Variants in TLN2 observed in about 807,000 individuals in gnomAD.
The protein encoded by TLN2 is talin-2.
TLN2 carries 118 observed loss-of-function variants against 294.7 expected under a neutral mutation model. The observed-to-expected ratio is 0.40, with a 90% CI of 0.34 to 0.47. The LOEUF (loss-of-function observed/expected upper bound fraction) is 0.47, where lower values mean the gene tolerates loss of function less well. Ranked by LOEUF, TLN2 falls within the 20% of genes least tolerant of loss-of-function variation. The pLI, the probability that TLN2 is intolerant of heterozygous loss-of-function variation, is 0.84. For synonymous variants in TLN2, 1,431 were observed against 1,304.5 expected (o/e 1.10, Z -2.09); for missense variants, 3,083 against 3,282.2 (o/e 0.94, Z 1.48).
intron 1 of TLN2, among the ~76,000 whole-genome samples, chr15:62,582,246 A>ACACACACACCCCCCCC (rs764248336): frequency 5.1e-5 from 7 of 137,240 alleles, no homozygotes; most frequent in East Asian, 4.6e-4. Context: ...ACACACACAC[A>ACACACACACCCCCCCC]CATTCATGCC....
intron 1 of TLN2, among the ~76,000 whole-genome samples, chr15:62,466,100 TATG>T (rs1393523568): frequency 5.3e-5 from 8 of 151,780 alleles, no homozygotes; most frequent in Admixed American, 5.2e-4. Flanking sequence ...TCAGGGGAGG[TATG>T]ATGAGAGGCA....
Position 62,840,535 on chromosome 15 carries a change from A to G in TLN2, c.7554A>G (p.Ala2518=). The G allele has an allele frequency of 1.2e-6, 2 of 1,614,200 alleles. No homozygotes were observed. The highest frequency in any genetic ancestry group is 1.7e-6 in the Non-Finnish European group (2 of 1,180,034). Residue 2518 remains alanine, a synonymous_variant, in exon 59 of 59, where the codon GCA becomes GCG. Coordinates refer to ENST00000636159, the MANE Select transcript of TLN2 (RefSeq NM_015059.3). ...MLKKERELEE[A]RKKLAQIRQQ... is the part of the protein sequence containing the mutation. ...AGAAAGAGCGAGAACTGGAAGAAGC[A>G]AGGAAAAAACTGGCCCAAATCCGCC...
intron 1 of TLN2, among the ~76,000 whole-genome samples, chr15:62,500,051 T>C (rs192827242): frequency 1.2e-4 from 19 of 152,074 alleles, no homozygotes; most frequent in Admixed American, 1.2e-3. Flanking sequence ...TTAAAATGAA[T>C]GTAGGCCAGG....
chr15:62,644,514 C>G (rs1384287382), intron 3 of TLN2: 5 of 456,052 alleles, frequency 1.1e-5, no homozygotes, highest in African/African-American at 8.0e-5. Flanking sequence ...CAAGGAAACT[C>G]ACCTCCAAAT....
intron 43 of TLN2, 43 bp from the exon 44 acceptor site, chr15:62,781,097 C>T: frequency 6.9e-7 from 1 of 1,454,196 alleles, no homozygotes; most frequent in Non-Finnish European, 9.7e-7. Flanking sequence ...TACACTTCAG[C>T]AGGCTTCTTA....
intron 9 of TLN2, 66 bp from the exon 10 acceptor site, chr15:62,673,761 T>G: frequency 7.8e-7 from 1 of 1,287,850 alleles, no homozygotes; most frequent in Non-Finnish European, 1.1e-6. Context: ...TTATTAAATG[T>G]CTTTGCTTTG....
intron 2 of TLN2, among the ~76,000 whole-genome samples, chr15:62,598,970 C>T (rs2046775941): frequency 6.6e-6 from 1 of 152,090 alleles, no homozygotes; most frequent in Non-Finnish European, 1.5e-5. Context: ...AGTCTTTCCA[C>T]AGACCTGTTA....
chr15:62,571,578 A>T (rs1452839807), intron 1 of TLN2, among the ~76,000 whole-genome samples: 3 of 152,176 alleles, frequency 2.0e-5, no homozygotes, highest in Admixed American at 1.3e-4. Context: ...CTTTACCTTC[A>T]TGTGTTGCCT....
intron 52 of TLN2, among the ~76,000 whole-genome samples, chr15:62,813,489 A>G (rs2066851725): frequency 6.6e-6 from 1 of 152,218 alleles, no homozygotes; most frequent in Non-Finnish European, 1.5e-5. Context: ...ATCTTTTGCG[A>G]TAAGGATTTT....
At chr15:62,452,945 G>A (rs145877300) in intron 1 of TLN2, among the ~76,000 whole-genome samples, 1 of 152,170 alleles carries the variant, frequency 6.6e-6, no homozygotes, top group Non-Finnish European at 1.5e-5. Flanking sequence ...GAATGAAGAT[G>A]AAGCAGGGTT....
intron 19 of TLN2, among the ~76,000 whole-genome samples, chr15:62,706,735 G>A (rs544452714): frequency 6.3e-4 from 96 of 152,280 alleles, no homozygotes; most frequent in African/African-American, 2.2e-3. Context: ...TATGTTTTCA[G>A]CTTCTCCTGA....
intron 2 of TLN2, among the ~76,000 whole-genome samples, chr15:62,594,837 A>G (rs973692773): frequency 2.9e-4 from 44 of 152,360 alleles, no homozygotes; most frequent in African/African-American, 1.1e-3. Flanking sequence ...GCTTCTGCAA[A>G]GCTTAGGAAA....
At chr15:62,745,501 C>T (rs1367396942) in intron 32 of TLN2, among the ~76,000 whole-genome samples, 1 of 152,234 alleles carries the variant, frequency 6.6e-6, no homozygotes, top group East Asian at 1.9e-4. Flanking sequence ...AGTCCCTTCA[C>T]CTTTTAATAT....
intron 22 of TLN2, among the ~76,000 whole-genome samples, chr15:62,713,018 G>C (rs1318177047): frequency 6.6e-6 from 1 of 152,114 alleles, no homozygotes; most frequent in Non-Finnish European, 1.5e-5. Context: ...TGTAATCCCA[G>C]CACTTTTGGG....
At position 62,703,601 on chromosome 15, in the gene TLN2, C is replaced by A. The variant is rs562515883; in HGVS notation, c.2004+737C>A. 2.2e-5 allele frequency among the ~76,000 whole-genome samples: 3 copies of A among 134,556 alleles called. No homozygotes were observed. In the South Asian group the frequency reaches 7.4e-4, roughly 33 times the overall value. The allele number at this position is 134,556 out of a possible 152,430, so 88.3% of individuals were successfully genotyped here. On this transcript the variant is annotated intron_variant, in intron 19 of 58. Transcript: ENST00000636159. ...ATAAACATGAAGTTTATGTTTACTTCGACACACACACACACACACACGCGC... is the reference window on the plus strand; with the variant it reads ...ATAAACATGAAGTTTATGTTTACTTAGACACACACACACACACACACGCGC...
chr15:62,503,325 G>T (rs186166866), intron 1 of TLN2, among the ~76,000 whole-genome samples: 1 of 152,178 alleles, frequency 6.6e-6, no homozygotes, highest in Admixed American at 6.5e-5. Flanking sequence ...AACTAACCAC[G>T]TGCAGATACC....
rs747326797 is a variant in TLN2, at chr15:62,753,805, C to G, written c.4365C>G (p.Asn1455Lys). The change falls in exon 36 of 59, where the codon AAC becomes AAG. Residue 1455 changes from asparagine (N) to lysine (K), a missense_variant. Physicochemically the swap from Asn to Lys is moderately conservative, Grantham distance 94. Transcript: ENST00000636159. ...AAYLVGISDP[N>K]SQAGHQGLVD... Reference sequence around the variant, plus strand: ...ACTTGGTTGGCATCTCTGATCCAAACAGCCAGGCAGGCCACCAGGGCCTGG... The same window carrying G: ...ACTTGGTTGGCATCTCTGATCCAAAGAGCCAGGCAGGCCACCAGGGCCTGG... 4 of 1,611,574 alleles carry G rather than the reference C, an allele frequency of 2.5e-6. No homozygotes were observed. The African/African-American group carries it at 5.3e-5, about 22-fold the overall frequency.
At chr15:62,756,706 G>A (rs2062274838) in intron 37 of TLN2, among the ~76,000 whole-genome samples, 1 of 152,212 alleles carries the variant, frequency 6.6e-6, no homozygotes, top group East Asian at 1.9e-4. Context: ...CCAGAGGATA[G>A]GACACTGCAC....
chr15:62,525,191 G>A (rs1321244969), intron 1 of TLN2, among the ~76,000 whole-genome samples: 1 of 152,180 alleles, frequency 6.6e-6, no homozygotes, highest in Non-Finnish European at 1.5e-5. Flanking sequence ...TGTGTGCATT[G>A]TCTCTCACAT....
Sources: gnomAD v4.1 joint callset for allele counts (sites outside exome capture counted in the v4.1 genomes callset) on GRCh38, gnomAD v4.1.1 for gene constraint, MANE v1.5 for transcripts, NCBI Gene and HGNC (gene_info 2026-07-23, HGNC 2026-07-21) for gene names.